The following CENPB variants were observed in gnomAD, a reference collection of about 807,000 sequenced individuals.
CENPB encodes the protein centromere protein B.
In CENPB, 19 loss-of-function variants were observed where a neutral mutation model predicts 41.9. The ratio of observed to expected loss-of-function variants is 0.45; its 90% CI spans 0.32 to 0.67. The LOEUF is 0.67. CENPB is among the 30% of genes least tolerant of loss of function. CENPB has a pLI of 0.04. For missense variants in CENPB, 614 were observed against 816.2 expected (o/e 0.75, Z 3.02); for synonymous variants, 399 against 354.4 (o/e 1.13, Z -1.41).
rs780300955 is a variant in CENPB at position 3,784,957 on chromosome 20, G to A, written c.1527C>T (p.Asp509=). The A allele has an allele frequency of 1.2e-6, 2 of 1,613,818 alleles. No individual in the cohort carries two copies. Among genetic ancestry groups the A allele is most frequent in the Admixed American group, 3.3e-5 (2 of 59,986 alleles). Residue 509 remains aspartate, a synonymous_variant, in exon 1 of 1, where the codon GAC becomes GAT. Coordinates refer to ENST00000379751, the MANE Select transcript of CENPB (RefSeq NM_001810.6). The surrounding 1 kb of genome is among the most constrained non-coding windows in gnomAD (Gnocchi z 5.2). ...CCTCTTCCTCACTGTCTGAATCAGA[G>A]TCCTCCCCACCTTCCAGGAAATGCA... is the stretch of plus-strand genomic sequence containing the variant. ...PTLHFLEGGE[D]SDSDSEEEDD...
Position 3,785,134 on chromosome 20 carries a change from C to T in CENPB, c.1350G>A (p.Glu450=). Residue 450 remains glutamate, a synonymous_variant, in exon 1 of 1, where the codon GAG becomes GAA. Coordinates refer to ENST00000379751, the MANE Select transcript of CENPB (RefSeq NM_001810.6). ...EELGEEEEVE[E]EGDVDSDEEE... is the part of the protein sequence containing the mutation. ...CTTCATCACTATCAACATCACCCTC[C>T]TCCTCCACCTCCTCTTCCTCCCCCA... is the stretch of plus-strand genomic sequence containing the variant. The T allele has an allele frequency of 6.3e-7, 1 of 1,592,452 alleles. No individual in the cohort carries two copies.
At position 3,785,400 on chromosome 20, in the gene CENPB, T is replaced by C. The variant is rs1390088273; in HGVS notation, c.1084A>G (p.Thr362Ala). ...QDPSGLQLGLTEALHFVAAAW... is the reference protein window; with the variant it reads ...QDPSGLQLGLAEALHFVAAAW... ...GCAGCCACAAAGTGCAGGGCCTCCG[T>C]GAGACCCAGCTGCAGGCCTGAGGGA... Residue 362 changes from threonine to alanine, a missense_variant, in exon 1 of 1, where the codon ACG becomes GCG. Coordinates refer to ENST00000379751, the MANE Select transcript of CENPB (RefSeq NM_001810.6). The C allele has an allele frequency of 1.9e-6, 3 of 1,600,618 alleles. No homozygotes were observed. The highest frequency in any genetic ancestry group is 1.7e-5 in the Admixed American group (1 of 58,320).
In CENPB at chr20:3,786,057, C is replaced by A; in HGVS notation, c.427G>T (p.Ala143Ser). ...VSCSGVARAR[A>S]RNAAPRTPAA... is the part of the protein sequence containing the mutation. Reference sequence around the variant, plus strand: ...GGGGTGCGGGGGGCAGCGTTTCGCGCGCGGGCGCGGGCCACGCCGCTGCAG... The same window carrying A: ...GGGGTGCGGGGGGCAGCGTTTCGCGAGCGGGCGCGGGCCACGCCGCTGCAG... Residue 143 changes from alanine (A) to serine (S), a missense_variant, in exon 1 of 1, where the codon GCG (alanine) becomes TCG (serine). Physicochemically the swap from Ala to Ser is moderately conservative, Grantham distance 99. Around this residue, in one of 2 missense-constraint regions of CENPB, gnomAD observed 537 missense variants for 629.4 expected, o/e 0.85. Transcript: ENST00000379751. 5 of 1,509,768 alleles carry A rather than the reference C, an allele frequency of 3.3e-6. No homozygotes were observed. The Admixed American group carries it at 6.9e-5, about 21-fold the overall frequency. The allele number at this position is 1,509,768 out of a possible 1,614,324, so 93.5% of individuals were successfully genotyped here.
At position 3,784,776 on chromosome 20, in the gene CENPB, G is replaced by T. The variant is rs760386998; in HGVS notation, c.1708C>A (p.His570Asn). Residue 570 changes from histidine to asparagine, a missense_variant, in exon 1 of 1, where the codon CAC becomes AAC. His to Asn is a moderately conservative substitution (Grantham distance 68). Coordinates refer to ENST00000379751, the MANE Select transcript of CENPB (RefSeq NM_001810.6). This position sits in a 1 kb window ranked among gnomAD's most constrained non-coding sequence, Gnocchi z 5.2. ...SFPIDDRVQS[H>N]ILHLEHDLVH... ...AGATCGTGTTCCAAGTGGAGGATGT[G>T]GCTCTGCACGCGGTCATCAATGGGG... 5 of 1,614,052 alleles carry T rather than the reference G, an allele frequency of 3.1e-6. No homozygotes were observed. In the East Asian group the frequency reaches 1.1e-4, roughly 36 times the overall value.
In CENPB at chr20:3,785,313, C is replaced by T; in HGVS notation, c.1171G>A (p.Gly391Ser). 6.3e-7 allele frequency: 1 copy of T among 1,599,038 alleles called. No individual in the cohort carries two copies. Among genetic ancestry groups the T allele is most frequent in the Non-Finnish European group, 8.5e-7 (1 of 1,174,520 alleles). ...AACFREAGFG[G>S]GPNATITTSL... Reference sequence around the variant, plus strand: ...GTGGTGATGGTGGCATTAGGGCCACCCCCAAAGCCAGCCTCACGAAAGCAG... The same window carrying T: ...GTGGTGATGGTGGCATTAGGGCCACTCCCAAAGCCAGCCTCACGAAAGCAG... Residue 391 changes from glycine (G) to serine (S), a missense_variant, in exon 1 of 1, where the codon GGT becomes AGT. Coordinates refer to ENST00000379751, the MANE Select transcript of CENPB (RefSeq NM_001810.6).
Position 3,784,531 on chromosome 20 carries a change from G to T in CENPB, c.*153C>A. ...GCTGACCTCAGCCCCGGGCCCGGCC[G>T]AGGTGACCGGGCCTGTTGCAGGACC... On this transcript the variant is annotated 3_prime_UTR_variant, in exon 1 of 1. Transcript: ENST00000379751. The surrounding 1 kb of genome is among the most constrained non-coding windows in gnomAD (Gnocchi z 5.2). The T allele has an allele frequency of 2.3e-6, 2 of 854,980 alleles. No individual in the cohort carries two copies. The highest frequency in any genetic ancestry group is 3.6e-6 in the Non-Finnish European group (2 of 550,662). 53.0% of individuals were successfully genotyped at this position (854,980 alleles called of 1,614,324 possible). A position where few individuals can be genotyped will look rare whatever the true frequency, so the allele number is the denominator to read the frequency against.
Position 3,785,125 on chromosome 20 carries a change from A to G in CENPB, c.1359T>C (p.Asp453=). 1 of 1,579,578 alleles carries G rather than the reference A, an allele frequency of 6.3e-7. No homozygotes were observed. The highest frequency in any genetic ancestry group is 1.7e-5 in the Admixed American group (1 of 58,478). Residue 453 remains aspartate (D), a synonymous_variant, in exon 1 of 1, where the codon GAT becomes GAC. Transcript: ENST00000379751. The stretch of plus-strand genomic sequence containing the variant: ...CCTCCTCTTCTTCATCACTATCAAC[A>G]TCACCCTCCTCCTCCACCTCCTCTT... ...GEEEEVEEEG[D]VDSDEEEEED...
chr20:3,785,201 T>C lies in CENPB; in HGVS notation c.1283A>G (p.Glu428Gly), dbSNP rs1600366625. The C allele has an allele frequency of 1.7e-6, 2 of 1,201,474 alleles. No homozygotes were observed. Among genetic ancestry groups the C allele is most frequent in the Non-Finnish European group, 2.2e-6 (2 of 914,650 alleles). The allele number at this position is 1,201,474 out of a possible 1,614,324, so 74.4% of individuals were successfully genotyped here. A position where few individuals can be genotyped will look rare whatever the true frequency, so the allele number is the denominator to read the frequency against. ...EEGEGEEEEE[E>G]GEEEEEEGGE... ...CCCTTCCTCCTCCTCCTCCTCCCCT[T>C]CCTCCTCCTCTTCCTCTCCTTCACC... The change falls in exon 1 of 1, where the codon GAA becomes GGA. Residue 428 changes from glutamate to glycine, a missense_variant. Transcript: ENST00000379751.
At position 3,785,120 on chromosome 20, in the gene CENPB, TCAA is replaced by T. The variant is rs1320892650; in HGVS notation, c.1361_1363del (p.Val454del). ...ATCTTCCTCCTCTTCTTCATCACTATCAACATCACCCTCCTCCTCCACCTCCTC... is the reference window on the plus strand; with the variant it reads ...ATCTTCCTCCTCTTCTTCATCACTATCATCACCCTCCTCCTCCACCTCCTC... On this transcript the variant is annotated inframe_deletion, in exon 1 of 1. Coordinates refer to ENST00000379751, the MANE Select transcript of CENPB (RefSeq NM_001810.6). 5.0e-6 allele frequency: 8 copies of T among 1,604,738 alleles called. No homozygotes were observed. Among genetic ancestry groups the T allele is most frequent in the African/African-American group, 2.7e-5 (2 of 74,468 alleles).
rs1299814146 is a variant in CENPB at position 3,785,690 on chromosome 20, G to A, written c.794C>T (p.Ser265Phe). 1 of 1,609,344 alleles carries A rather than the reference G, an allele frequency of 6.2e-7. No individual in the cohort carries two copies. The highest frequency in any genetic ancestry group is 8.5e-7 in the Non-Finnish European group (1 of 1,177,974). ...GGCCTGGGTGGTGACACCACCCTTGGAGTTGGCGGTGTAGTCGCAGGGCAG... is the reference window on the plus strand; with the variant it reads ...GGCCTGGGTGGTGACACCACCCTTGAAGTTGGCGGTGTAGTCGCAGGGCAG... Reference protein sequence around the residue: ...AGLPCDYTANSKGGVTTQALA... With the variant: ...AGLPCDYTANFKGGVTTQALA... The change falls in exon 1 of 1, where the codon TCC becomes TTC. Residue 265 changes from serine (S) to phenylalanine (F), a missense_variant. Around this residue, in one of 2 missense-constraint regions of CENPB, gnomAD observed 537 missense variants for 629.4 expected, o/e 0.85. Transcript: ENST00000379751.
At position 3,786,592 on chromosome 20, in the gene CENPB, C is replaced by A. The variant is rs2088828064; in HGVS notation, c.-109G>T. On this transcript the variant is annotated 5_prime_UTR_variant, in exon 1 of 1. Transcript: ENST00000379751. ...GGCGGCCTCTCCCGCGCGCCCCGCC[C>A]GAGACAAAGCGGCTCGCGGGCGCGG... is the stretch of plus-strand genomic sequence containing the variant. 4.5e-6 allele frequency: 1 copy of A among 222,554 alleles called. No individual in the cohort carries two copies. Among genetic ancestry groups the A allele is most frequent in the South Asian group, 1.6e-4 (1 of 6,358 alleles). 13.8% of individuals were successfully genotyped at this position (222,554 alleles called of 1,614,324 possible). A position where few individuals can be genotyped will look rare whatever the true frequency, so the allele number is the denominator to read the frequency against.
Position 3,786,457 on chromosome 20 carries a change from C to T in CENPB, c.27G>A (p.Thr9=), listed in dbSNP as rs140460051. 3,877 of 1,561,086 alleles carry T rather than the reference C, an allele frequency of 2.5e-3. 10 individuals carry two copies. Among genetic ancestry groups the T allele is most frequent in the Non-Finnish European group, 3.1e-3 (3,574 of 1,159,478 alleles). MGPKRRQL[T]FREKSRIIQE... is the part of the protein sequence containing the mutation. Reference sequence around the variant, plus strand: ...GGATGATCCGTGACTTCTCCCGGAACGTCAGCTGTCGCCTCTTGGGGCCCA... The same window carrying T: ...GGATGATCCGTGACTTCTCCCGGAATGTCAGCTGTCGCCTCTTGGGGCCCA... Residue 9 remains threonine, a synonymous_variant, in exon 1 of 1, where the codon ACG becomes ACA. Transcript: ENST00000379751.
Position 3,785,764 on chromosome 20 carries a change from G to T in CENPB, c.720C>A (p.Pro240=). ...TGGCCGACTTGCCGGCCACCAGCGGGGGCAGCTTCTCGCTGCCGTCGGCAT... is the reference window on the plus strand; with the variant it reads ...TGGCCGACTTGCCGGCCACCAGCGGTGGCAGCTTCTCGCTGCCGTCGGCAT... The part of the protein sequence containing the change: ...CANADGSEKL[P]PLVAGKSAKP... The change falls in exon 1 of 1, where the codon CCC becomes CCA. Residue 240 remains proline, a synonymous_variant. Coordinates refer to ENST00000379751, the MANE Select transcript of CENPB (RefSeq NM_001810.6). The T allele has an allele frequency of 6.2e-7, 1 of 1,609,264 alleles. No individual in the cohort carries two copies. The highest frequency in any genetic ancestry group is 8.5e-7 in the Non-Finnish European group (1 of 1,177,900).
rs2088805142 is a variant in CENPB at position 3,784,995 on chromosome 20, G to C, written c.1489C>G (p.Gln497Glu). Residue 497 changes from glutamine (Q) to glutamate (E), a missense_variant, in exon 1 of 1, where the codon CAG becomes GAG. Around this residue, in one of 2 missense-constraint regions of CENPB, gnomAD observed 537 missense variants for 629.4 expected, o/e 0.85. Transcript: ENST00000379751. This position sits in a 1 kb window ranked among gnomAD's most constrained non-coding sequence, Gnocchi z 5.2. ...TCCAGGAAATGCAGAGTAGGGCACT[G>C]GGCTTCCTCCTGGGCACCATAAGCC... ...FGAYGAQEEA[Q>E]CPTLHFLEGG... 1 of 1,613,910 alleles carries C rather than the reference G, an allele frequency of 6.2e-7. No homozygotes were observed. The highest frequency in any genetic ancestry group is 8.5e-7 in the Non-Finnish European group (1 of 1,179,972).
chr20:3,784,901 T>C lies in CENPB; in HGVS notation c.1583A>G (p.Asp528Gly). 6.2e-7 allele frequency: 1 copy of C among 1,613,784 alleles called. No homozygotes were observed. The highest frequency in any genetic ancestry group is 8.5e-7 in the Non-Finnish European group (1 of 1,179,906). Reference sequence around the variant, plus strand: ...ACCATCCTCCTCATCATCATCGTCGTCTTCATCTTCATCATCCTCTTCCTC... The same window carrying C: ...ACCATCCTCCTCATCATCATCGTCGCCTTCATCTTCATCATCCTCTTCCTC... ...DDEEEDDEDE[D>G]DDDDEEDGDE... is the part of the protein sequence containing the mutation. The change falls in exon 1 of 1, where the codon GAC becomes GGC. Residue 528 changes from aspartate to glycine, a missense_variant. Coordinates refer to ENST00000379751, the MANE Select transcript of CENPB (RefSeq NM_001810.6). This position sits in a 1 kb window ranked among gnomAD's most constrained non-coding sequence, Gnocchi z 5.2.
At position 3,786,048 on chromosome 20, in the gene CENPB, C is replaced by G; in HGVS notation, c.436G>C (p.Ala146Pro). The change falls in exon 1 of 1, where the codon GCT becomes CCT. Residue 146 changes from alanine (A) to proline (P), a missense_variant. By Grantham distance (27) the Ala-to-Pro change is conservative. This residue lies in a region of CENPB where 537 missense variants were observed against 629.4 expected (regional missense o/e 0.85). Coordinates refer to ENST00000379751, the MANE Select transcript of CENPB (RefSeq NM_001810.6). ...GGCGCCGCCGGGGTGCGGGGGGCAG[C>G]GTTTCGCGCGCGGGCGCGGGCCACG... is the stretch of plus-strand genomic sequence containing the variant. ...SGVARARARNAAPRTPAAPAS... is the reference protein window; with the variant it reads ...SGVARARARNPAPRTPAAPAS... 4.0e-6 allele frequency: 6 copies of G among 1,491,564 alleles called. No individual in the cohort carries two copies. The highest frequency in any genetic ancestry group is 5.3e-6 in the Non-Finnish European group (6 of 1,135,476). 92.4% of individuals were successfully genotyped at this position (1,491,564 alleles called of 1,614,324 possible). A position where few individuals can be genotyped will look rare whatever the true frequency, so the allele number is the denominator to read the frequency against.
Position 3,785,431 on chromosome 20 carries a change from G to C in CENPB, c.1053C>G (p.Gly351=). 1 of 1,591,006 alleles carries C rather than the reference G, an allele frequency of 6.3e-7. No individual in the cohort carries two copies. The highest frequency in any genetic ancestry group is 8.6e-7 in the Non-Finnish European group (1 of 1,169,142). ...MLLKAMAALE[G]QDPSGLQLGL... ...CCAGCTGCAGGCCTGAGGGATCCTG[G>C]CCCTCTAGCGCGGCCATGGCCTTGA... is the stretch of plus-strand genomic sequence containing the variant. The change falls in exon 1 of 1, where the codon GGC becomes GGG. Residue 351 remains glycine, a synonymous_variant. Coordinates refer to ENST00000379751, the MANE Select transcript of CENPB (RefSeq NM_001810.6).
Position 3,786,637 on chromosome 20 carries a change from C to CGA in CENPB, c.-155_-154insTC. The CGA allele has an allele frequency of 6.6e-6, 1 of 150,782 alleles. No individual in the cohort carries two copies. Among genetic ancestry groups the CGA allele is most frequent in the Non-Finnish European group, 1.4e-5 (1 of 70,440 alleles). 9.3% of individuals were successfully genotyped at this position (150,782 alleles called of 1,614,324 possible). Reference sequence around the variant, plus strand: ...GCGCGGCGGCGGGGCGACGACCCGGCCGGGCCGGGGGCACCTCCGGGGACG... The same window carrying CGA: ...GCGCGGCGGCGGGGCGACGACCCGGCGACGGGCCGGGGGCACCTCCGGGGACG... On this transcript the variant is annotated 5_prime_UTR_variant, in exon 1 of 1. Transcript: ENST00000379751.
Position 3,786,238 on chromosome 20 carries a change from G to A in CENPB, c.246C>T (p.Ile82=), listed in dbSNP as rs140023764. 1,367 of 1,603,498 alleles carry A rather than the reference G, an allele frequency of 8.5e-4. 8 individuals carry two copies. The African/African-American group carries it at 9.2e-3, about 11-fold the overall frequency. Residue 82 remains isoleucine, a synonymous_variant, in exon 1 of 1, where the codon ATC becomes ATT. Coordinates refer to ENST00000379751, the MANE Select transcript of CENPB (RefSeq NM_001810.6). ...SPYDKLEGLL[I]AWFQQIRAAG... ...CGGCGCGGATCTGCTGGAACCAGGC[G>A]ATGAGCAAGCCCTCGAGCTTGTCGT...
Sources: gnomAD v4.1 joint callset for allele counts on GRCh38, gnomAD v4.1.1 for gene constraint, gnomAD v4.1.1 regional missense constraint, Gnocchi (gnomAD v3.1) non-coding constraint, MANE v1.5 for transcripts, NCBI Gene and HGNC (gene_info 2026-07-23, HGNC 2026-07-21) for gene names.